The following ECPAS variants were observed in gnomAD, a reference collection of about 807,000 sequenced individuals.
The protein encoded by ECPAS is proteasome adapter and scaffold protein ECM29.
Under a neutral mutation model 255.1 loss-of-function variants are expected in ECPAS, and 70 were observed. That is an observed-to-expected ratio of 0.27 (90% CI 0.23 to 0.33). The LOEUF is 0.33. Among genes scored for constraint, ECPAS ranks in the 10% least tolerant of loss-of-function variants. The pLI is 1.00. For synonymous variants in ECPAS, 784 were observed against 775.0 expected (o/e 1.01, Z -0.19); for missense variants, 1,817 against 2,206.4 (o/e 0.82, Z 3.54).
intron 4 of ECPAS, 125 bp downstream of exon 4, chr9:111,444,252 AC>A: frequency 1.7e-6 from 1 of 601,794 alleles, no homozygotes; most frequent in Non-Finnish European, 2.9e-6. Context: ...AAAAAAAAAA[AC>A]TCATGTTTCA....
chr9:111,443,849 T>A lies in ECPAS; in HGVS notation c.270+529A>T, dbSNP rs1479251146. ...TCACACAGCATCAACATATTTTACA[T>A]TTAATTTTTATGAAGACAACACTTT... On this transcript the variant is annotated intron_variant, in intron 4 of 49. Coordinates refer to ENST00000684092, the MANE Select transcript of ECPAS (RefSeq NM_001364929.1). 3.9e-5 allele frequency among the ~76,000 whole-genome samples: 6 copies of A among 152,348 alleles called. No homozygotes were observed. In the East Asian group the frequency reaches 1.2e-3, roughly 29 times the overall value.
chr9:111,461,207 C>G (rs191120702), intron 2 of ECPAS, among the ~76,000 whole-genome samples: 1 of 152,118 alleles, frequency 6.6e-6, no homozygotes, highest in Non-Finnish European at 1.5e-5. Flanking sequence ...GCCCTGTAAT[C>G]CCAGCACTGT....
At chr9:111,414,109 A>G in intron 19 of ECPAS, 123 bp from the exon 20 acceptor site, 1 of 650,034 alleles carries the variant, frequency 1.5e-6, no homozygotes, top group Non-Finnish European at 2.5e-6. Flanking sequence ...CTATTAAAAA[A>G]AAAAAAAAGA....
Position 111,422,013 on chromosome 9 carries a change from C to T in ECPAS, c.1363G>A (p.Glu455Lys). ...GCTCCAACCATCATAGATAAAGCTTCTTGAATAGCAAGTCGAGTCTCAGGC... is the reference window on the plus strand; with the variant it reads ...GCTCCAACCATCATAGATAAAGCTTTTTGAATAGCAAGTCGAGTCTCAGGC... ...EEPETRLAIQ[E>K]ALSMMVGAYS... The change falls in exon 15 of 50, where the codon GAA becomes AAA. Residue 455 changes from glutamate (E) to lysine (K), a missense_variant. Physicochemically the swap from Glu to Lys is moderately conservative, Grantham distance 56 (BLOSUM62 1). Around this residue, in one of 4 missense-constraint regions of ECPAS, gnomAD observed 573 missense variants for 716.2 expected, o/e 0.80. Coordinates refer to ENST00000684092, the MANE Select transcript of ECPAS (RefSeq NM_001364929.1). 6.2e-7 allele frequency: 1 copy of T among 1,613,756 alleles called. No homozygotes were observed.
chr9:111,451,403 C>A, intron 3 of ECPAS, 22 bp downstream of exon 3: 1 of 1,555,926 alleles, frequency 6.4e-7, no homozygotes, highest in East Asian at 2.4e-5. Context: ...TTTAATTCCC[C>A]CAGCTGTCCC....
intron 1 of ECPAS, among the ~76,000 whole-genome samples, chr9:111,481,456 A>G (rs1022073781): frequency 1.1e-4 from 16 of 152,172 alleles, no homozygotes; most frequent in Admixed American, 9.8e-4. Flanking sequence ...CAGTGAGCGG[A>G]GATCGCGCCA....
chr9:111,482,645 T>C (rs1429434003), intron 1 of ECPAS, among the ~76,000 whole-genome samples: 2 of 151,150 alleles, frequency 1.3e-5, no homozygotes, highest in Non-Finnish European at 2.9e-5. Context: ...AAGGGCAGCA[T>C]TGGGAGAAAA....
At chr9:111,474,905 AC>A (rs2098294347) in intron 1 of ECPAS, among the ~76,000 whole-genome samples, 1 of 152,250 alleles carries the variant, frequency 6.6e-6, no homozygotes, top group South Asian at 2.1e-4. Context: ...CTCAAACCAC[AC>A]AGCTGATCCC....
intron 3 of ECPAS, among the ~76,000 whole-genome samples, chr9:111,447,830 T>C (rs2098255325): frequency 6.6e-6 from 1 of 152,158 alleles, no homozygotes; most frequent in Non-Finnish European, 1.5e-5. Flanking sequence ...AATAGAAAGA[T>C]ACATTTATAA....
At chr9:111,450,712 G>T (rs1308494602) in intron 3 of ECPAS, among the ~76,000 whole-genome samples, 1 of 152,174 alleles carries the variant, frequency 6.6e-6, no homozygotes, top group Non-Finnish European at 1.5e-5. Context: ...TGGATTGCTT[G>T]AGCTCAGGAG....
intron 46 of ECPAS, among the ~76,000 whole-genome samples, chr9:111,366,854 C>T (rs538437106): frequency 2.6e-5 from 4 of 152,208 alleles, no homozygotes; most frequent in South Asian, 2.1e-4. Flanking sequence ...TGACTTTGTA[C>T]TCAATCCCCA....
At chr9:111,364,430 G>C (rs1004142554) in intron 48 of ECPAS, among the ~76,000 whole-genome samples, 3 of 152,128 alleles carry the variant, frequency 2.0e-5, no homozygotes, top group Admixed American at 6.5e-5. Flanking sequence ...CATTTGAAGG[G>C]GGAAAGATTC....
intron 7 of ECPAS, among the ~76,000 whole-genome samples, chr9:111,435,550 G>A (rs1465991485): frequency 6.6e-6 from 1 of 152,104 alleles, no homozygotes; most frequent in African/African-American, 2.4e-5. Flanking sequence ...ATGCCTTTCA[G>A]AAAATGGAAC....
Position 111,383,246 on chromosome 9 carries a change from T to A in ECPAS, c.3768A>T (p.Gly1256=). ...GAACTTCCGTCACGGTGCTCATCAT[T>A]CCTTTGTCCAGAAGGCAAGGCAGAA... is the stretch of plus-strand genomic sequence containing the variant. ...AALLPCLLDK[G]MMSTVTEVRA... The change falls in exon 35 of 50, where the codon GGA becomes GGT. Residue 1256 remains glycine, a synonymous_variant. Coordinates refer to ENST00000684092, the MANE Select transcript of ECPAS (RefSeq NM_001364929.1). 1 of 1,613,862 alleles carries A rather than the reference T, an allele frequency of 6.2e-7. No homozygotes were observed. Among genetic ancestry groups the A allele is most frequent in the Non-Finnish European group, 8.5e-7 (1 of 1,179,840 alleles).
chr9:111,414,039 A>T, intron 19 of ECPAS, 53 bp from the exon 20 acceptor site: 1 of 1,204,450 alleles, frequency 8.3e-7, no homozygotes, highest in Non-Finnish European at 1.2e-6. Context: ...ATGAACATAC[A>T]GGGATCACTA....
At chr9:111,438,060 A>G (rs1455693751) in intron 6 of ECPAS, among the ~76,000 whole-genome samples, 1 of 152,148 alleles carries the variant, frequency 6.6e-6, no homozygotes, top group Non-Finnish European at 1.5e-5. Context: ...CTATTTTTTA[A>G]AAATCTCTTA....
intron 2 of ECPAS, among the ~76,000 whole-genome samples, chr9:111,454,945 G>C (rs541137577): frequency 5.1e-4 from 78 of 152,046 alleles, no homozygotes; most frequent in African/African-American, 1.7e-3. Flanking sequence ...TCAAGACAGA[G>C]GCTGGTCTTG....
intron 1 of ECPAS, among the ~76,000 whole-genome samples, chr9:111,476,563 G>A (rs1276057617): frequency 1.3e-5 from 2 of 148,322 alleles, no homozygotes; most frequent in Admixed American, 1.4e-4. Flanking sequence ...GTTCTGTTCA[G>A]TAACATCAGA....
chr9:111,452,135 C>T (rs1400442515), intron 2 of ECPAS, among the ~76,000 whole-genome samples: 1 of 152,130 alleles, frequency 6.6e-6, no homozygotes, highest in Non-Finnish European at 1.5e-5. Flanking sequence ...CTTCTTCAAC[C>T]AGTACACTGC....
Sources: gnomAD v4.1 joint callset for allele counts (sites outside exome capture counted in the v4.1 genomes callset) on GRCh38, gnomAD v4.1.1 for gene constraint, gnomAD v4.1.1 regional missense constraint, MANE v1.5 for transcripts, NCBI Gene and HGNC (gene_info 2026-07-23, HGNC 2026-07-21) for gene names.